Variants in TMEM132D observed in about 807,000 individuals in gnomAD.
TMEM132D encodes the protein transmembrane protein 132D, also known as mature OL transmembrane protein.
TMEM132D carries 21 observed loss-of-function variants against 62.3 expected under a neutral mutation model. The ratio of observed to expected loss-of-function variants is 0.34; its 90% CI spans 0.24 to 0.49. The LOEUF is 0.49. TMEM132D is among the 20% of genes least tolerant of loss of function. TMEM132D has a pLI of 0.99. For synonymous variants in TMEM132D, 621 were observed against 575.6 expected, an observed-to-expected ratio of 1.08 and a Z score of -1.13; for missense variants, 1,346 against 1,402.8, an observed-to-expected ratio of 0.96 and a Z score of 0.65.
intron 1 of TMEM132D, among the ~76,000 whole-genome samples, chr12:129,777,053 G>C (rs1870958132): frequency 1.3e-5 from 2 of 152,168 alleles, no homozygotes; most frequent in Non-Finnish European, 2.9e-5. Flanking sequence ...GAAAACCCTA[G>C]AGAATGGCTG....
At chr12:129,283,791 C>G (rs796070074) in intron 4 of TMEM132D, among the ~76,000 whole-genome samples, 53 of 152,288 alleles carry the variant, frequency 3.5e-4, no homozygotes, top group African/African-American at 1.2e-3. Flanking sequence ...TGTTCTCTCC[C>G]TCACTGACAC....
rs569999954 is a variant in TMEM132D, at chr12:129,494,254, T to C, written c.1115+36805A>G. On this transcript the variant is annotated intron_variant, in intron 3 of 8. Coordinates refer to ENST00000422113, the MANE Select transcript of TMEM132D (RefSeq NM_133448.3). ...TCTGTGTGGAAACCAGGGTAAGCGA[T>C]TGGCGTTTCTTTAGCATCATCTTGT... Among the ~76,000 whole-genome samples the C allele has an allele frequency of 3.3e-5, 5 of 152,266 alleles. No homozygotes were observed. The South Asian group carries it at 8.3e-4, about 25-fold the overall frequency.
At chr12:129,606,725 C>T (rs1474507231) in intron 2 of TMEM132D, among the ~76,000 whole-genome samples, 2 of 152,200 alleles carry the variant, frequency 1.3e-5, no homozygotes, top group East Asian at 3.9e-4. Context: ...AATTTTCTGC[C>T]CACTTGGGTA....
At chr12:129,091,721 C>T (rs1874923682) in intron 5 of TMEM132D, among the ~76,000 whole-genome samples, 1 of 152,204 alleles carries the variant, frequency 6.6e-6, no homozygotes, top group Admixed American at 6.5e-5. Flanking sequence ...GCTCTTGGGA[C>T]CCAGGTTCCT....
At position 129,903,076 on chromosome 12, in the gene TMEM132D, C is replaced by G. The variant is rs926773644; in HGVS notation, c.79+185G>C. On this transcript the variant is annotated intron_variant, in intron 1 of 8. Transcript: ENST00000422113. This position sits in a 1 kb window ranked among gnomAD's most constrained non-coding sequence, Gnocchi z 6.2. ...AGGACAAGCACCTTCGGCCAAGGGG[C>G]GTCCGAGGAGCTTGGCTGCCGCACG... 7.2e-5 allele frequency among the ~76,000 whole-genome samples: 11 copies of G among 152,232 alleles called. No homozygotes were observed. Among genetic ancestry groups the G allele is most frequent in the African/African-American group, 2.4e-4 (10 of 41,472 alleles).
chr12:129,538,459 G>A (rs957345680), intron 2 of TMEM132D, among the ~76,000 whole-genome samples: 1 of 152,136 alleles, frequency 6.6e-6, no homozygotes, highest in African/African-American at 2.4e-5. Context: ...CAGTAGCTGT[G>A]ATGACAGTAG....
intron 5 of TMEM132D, among the ~76,000 whole-genome samples, chr12:129,122,552 A>G (rs1439479165): frequency 6.6e-6 from 1 of 152,196 alleles, no homozygotes; most frequent in African/African-American, 2.4e-5. Context: ...ATAGATATCT[A>G]TTGAATGATC....
intron 5 of TMEM132D, among the ~76,000 whole-genome samples, chr12:129,183,385 C>G (rs1371229721): frequency 6.6e-6 from 1 of 152,226 alleles, no homozygotes; most frequent in Admixed American, 6.5e-5. Flanking sequence ...ATGGTCAAAG[C>G]TCTCTGTGGC....
chr12:129,790,971 T>C (rs949650095), intron 1 of TMEM132D, among the ~76,000 whole-genome samples: 1 of 152,244 alleles, frequency 6.6e-6, no homozygotes, highest in African/African-American at 2.4e-5. Flanking sequence ...TGGAAAGAAA[T>C]TGAAAGCTGG....
intron 5 of TMEM132D, among the ~76,000 whole-genome samples, chr12:129,130,098 T>C (rs576151258): frequency 3.8e-4 from 57 of 151,482 alleles, no homozygotes; most frequent in Non-Finnish European, 7.5e-4. Context: ...CTGAGGTATT[T>C]ATTGACCACT....
intron 3 of TMEM132D, among the ~76,000 whole-genome samples, chr12:129,359,884 G>A (rs1022379527): frequency 2.0e-5 from 3 of 151,372 alleles, no homozygotes; most frequent in Non-Finnish European, 2.9e-5. Flanking sequence ...ATAAGGATAA[G>A]AATTCAGAGA....
chr12:129,222,905 C>T (rs915599562), intron 4 of TMEM132D, among the ~76,000 whole-genome samples: 1 of 139,600 alleles, frequency 7.2e-6, no homozygotes, highest in Non-Finnish European at 1.6e-5. Flanking sequence ...CTCTTAAACG[C>T]TCTCACTACC....
intron 1 of TMEM132D, among the ~76,000 whole-genome samples, chr12:129,808,081 C>T (rs890233285): frequency 2.0e-5 from 3 of 152,318 alleles, no homozygotes; most frequent in South Asian, 2.1e-4. Flanking sequence ...ATTTAGGAAA[C>T]GGTGATTTAG....
intron 1 of TMEM132D, among the ~76,000 whole-genome samples, chr12:129,778,114 CAAA>C (rs35384142): frequency 1.4e-3 from 116 of 85,330 alleles, no homozygotes; most frequent in East Asian, 8.0e-3. Flanking sequence ...GACCCTGTCT[CAAA>C]AAAAAAAAAA....
intron 2 of TMEM132D, among the ~76,000 whole-genome samples, chr12:129,655,043 G>A (rs548395715): frequency 6.6e-6 from 1 of 152,038 alleles, no homozygotes; most frequent in African/African-American, 2.4e-5. Context: ...TGCCTCCCGG[G>A]TTCAAGTCAT....
rs1377892714 is a variant in TMEM132D, at chr12:129,148,466, T to C, written c.1443+61054A>G. ...AGAGAAAACGGAGTAGGCTGTGTTG[T>C]TGGTTTTCATGGGAGGTGCCATGAG... is the stretch of plus-strand genomic sequence containing the variant. On this transcript the variant is annotated intron_variant, in intron 5 of 8. Coordinates refer to ENST00000422113, the MANE Select transcript of TMEM132D (RefSeq NM_133448.3). 3.9e-5 allele frequency among the ~76,000 whole-genome samples: 6 copies of C among 152,102 alleles called. No individual in the cohort carries two copies. In the East Asian group the frequency reaches 1.2e-3, roughly 29 times the overall value.
At chr12:129,590,697 C>A (rs1349017139) in intron 2 of TMEM132D, among the ~76,000 whole-genome samples, 1 of 152,192 alleles carries the variant, frequency 6.6e-6, no homozygotes, top group East Asian at 1.9e-4. Context: ...GGGATGCAAG[C>A]AGCCCAGAGC....
chr12:129,140,859 C>T (rs1205442783), intron 5 of TMEM132D, among the ~76,000 whole-genome samples: 2 of 146,572 alleles, frequency 1.4e-5, no homozygotes, highest in Non-Finnish European at 3.1e-5. Context: ...AAAAAAATTT[C>T]TGTGATTCAC....
intron 3 of TMEM132D, among the ~76,000 whole-genome samples, chr12:129,519,044 G>A (rs117604393): frequency 0.015 from 2,229 of 152,222 alleles, 24 homozygotes; most frequent in East Asian, 0.027. Flanking sequence ...AGCCCAAGGA[G>A]GTTTTGGCTT....
Sources: allele counts gnomAD v4.1 joint callset (sites outside exome capture counted in the v4.1 genomes callset), GRCh38; gene constraint gnomAD v4.1.1; non-coding constraint Gnocchi (gnomAD v3.1); transcripts MANE v1.5; gene names NCBI Gene and HGNC (gene_info 2026-07-23, HGNC 2026-07-21).